The following TSPAN18 variants were observed in gnomAD, a reference collection of about 807,000 sequenced individuals.
TSPAN18 encodes tetraspanin 18.
Under a neutral mutation model 27.3 loss-of-function variants are expected in TSPAN18, and 14 were observed. The observed-to-expected ratio is 0.51, with a 90% CI of 0.34 to 0.80. The LOEUF (loss-of-function observed/expected upper bound fraction) is 0.80, where lower values mean the gene tolerates loss of function less well. Among genes scored for constraint, TSPAN18 ranks in the 30% least tolerant of loss-of-function variants. The pLI, the probability that TSPAN18 is intolerant of heterozygous loss-of-function variation, is 0.01. For synonymous variants in TSPAN18, 143 were observed against 136.5 expected, an observed-to-expected ratio of 1.05 and a Z score of -0.33; for missense variants, 268 against 323.9, an observed-to-expected ratio of 0.83 and a Z score of 1.32.
At position 44,734,883 on chromosome 11, in the gene TSPAN18, TC is replaced by T; in HGVS notation, c.-240+7601del. ...CCACCTGCTGCCTGACATTTAGGGCTCCCCCAGCAGGGCAGGCCCAGGGAAC... is the reference window on the plus strand; with the variant it reads ...CCACCTGCTGCCTGACATTTAGGGCTCCCCAGCAGGGCAGGCCCAGGGAAC... On this transcript the variant is annotated intron_variant, in intron 1 of 9. Transcript: ENST00000520358. 2.0e-5 allele frequency among the ~76,000 whole-genome samples: 3 copies of T among 152,200 alleles called. No homozygotes were observed. The South Asian group carries it at 6.2e-4, about 32-fold the overall frequency.
At chr11:44,824,595 G>A (rs1201105410) in intron 2 of TSPAN18, among the ~76,000 whole-genome samples, 1 of 152,232 alleles carries the variant, frequency 6.6e-6, no homozygotes, top group African/African-American at 2.4e-5. Flanking sequence ...AAGCCAGACA[G>A]GACAATGGGA....
chr11:44,909,432 C>G (rs1859624656), intron 4 of TSPAN18: 3 of 444,502 alleles, frequency 6.7e-6, no homozygotes, highest in Non-Finnish European at 1.2e-5. Flanking sequence ...TGGCAAATAG[C>G]CTTTATGTGA....
intron 3 of TSPAN18, among the ~76,000 whole-genome samples, chr11:44,862,503 T>C (rs1264348450): frequency 6.6e-6 from 1 of 152,172 alleles, no homozygotes; most frequent in Non-Finnish European, 1.5e-5. Flanking sequence ...TATGGTGAGC[T>C]CAGCACCTCT....
At chr11:44,872,291 A>G (rs1858217118) in intron 3 of TSPAN18, among the ~76,000 whole-genome samples, 1 of 152,114 alleles carries the variant, frequency 6.6e-6, no homozygotes, top group Non-Finnish European at 1.5e-5. Context: ...TTATGATCTG[A>G]CTGAACTTCA....
At chr11:44,777,973 T>C (rs1245837501) in intron 2 of TSPAN18, among the ~76,000 whole-genome samples, 7 of 152,056 alleles carry the variant, frequency 4.6e-5, no homozygotes, top group African/African-American at 1.4e-4. Flanking sequence ...TTAAAGGATT[T>C]TTCCCCCCAA....
chr11:44,810,658 G>A (rs992626967), intron 2 of TSPAN18, among the ~76,000 whole-genome samples: 1 of 145,330 alleles, frequency 6.9e-6, no homozygotes, highest in Non-Finnish European at 1.5e-5. Context: ...CTGGAGTGCT[G>A]TGACTCGATC....
chr11:44,854,140 A>T (rs1355086774), intron 2 of TSPAN18, among the ~76,000 whole-genome samples: 2 of 133,922 alleles, frequency 1.5e-5, no homozygotes, highest in Non-Finnish European at 3.1e-5. Flanking sequence ...ATTTATACAC[A>T]TACACACATG....
At chr11:44,750,017 C>T (rs1465904718) in intron 1 of TSPAN18, among the ~76,000 whole-genome samples, 1 of 152,040 alleles carries the variant, frequency 6.6e-6, no homozygotes, top group East Asian at 1.9e-4. Flanking sequence ...CCACCCTCCC[C>T]AACTCACCTC....
At chr11:44,868,836 G>T (rs1858111003) in intron 3 of TSPAN18, among the ~76,000 whole-genome samples, 1 of 152,248 alleles carries the variant, frequency 6.6e-6, no homozygotes, top group Admixed American at 6.5e-5. Flanking sequence ...GCCAGATGGG[G>T]ACTCTATGTG....
chr11:44,858,720 T>A (rs1857800941), intron 2 of TSPAN18, among the ~76,000 whole-genome samples: 1 of 151,978 alleles, frequency 6.6e-6, no homozygotes, highest in Non-Finnish European at 1.5e-5. Context: ...TGAGCTTGTG[T>A]GTGATGGTGG....
chr11:44,906,574 C>A, intron 4 of TSPAN18, 95 bp downstream of exon 4: 1 of 1,265,658 alleles, frequency 7.9e-7, no homozygotes, highest in Non-Finnish European at 1.1e-6. Context: ...CTGGGGCGAG[C>A]ACAGGGGCCG....
At chr11:44,838,787 A>G (rs1310333513) in intron 2 of TSPAN18, among the ~76,000 whole-genome samples, 1 of 152,222 alleles carries the variant, frequency 6.6e-6, no homozygotes, top group African/African-American at 2.4e-5. Context: ...GACACTGTGT[A>G]CCATTTAAAA....
intron 1 of TSPAN18, among the ~76,000 whole-genome samples, chr11:44,731,643 A>T (rs953177052): frequency 8.0e-5 from 12 of 149,782 alleles, no homozygotes; most frequent in Non-Finnish European, 1.5e-4. Context: ...TGAGAGAGAG[A>T]GAGAGAGAGA....
At chr11:44,734,394 C>G (rs1376913751) in intron 1 of TSPAN18, among the ~76,000 whole-genome samples, 3 of 152,254 alleles carry the variant, frequency 2.0e-5, no homozygotes, top group Non-Finnish European at 4.4e-5. Context: ...GTTCATCTCT[C>G]TTAGCCTGTC....
intron 2 of TSPAN18, among the ~76,000 whole-genome samples, chr11:44,828,506 T>A (rs1043909169): frequency 6.6e-6 from 1 of 152,138 alleles, no homozygotes; most frequent in Admixed American, 6.5e-5. Context: ...CACAAGGCCA[T>A]AAGCACTGCG....
chr11:44,904,062 A>C (rs1362003802), intron 3 of TSPAN18, among the ~76,000 whole-genome samples: 3 of 152,190 alleles, frequency 2.0e-5, no homozygotes, highest in Admixed American at 6.5e-5. Context: ...CATTACCCCA[A>C]CACAATTTAA....
chr11:44,766,594 T>C (rs1016017951), intron 2 of TSPAN18, among the ~76,000 whole-genome samples: 1 of 152,212 alleles, frequency 6.6e-6, no homozygotes, highest in Admixed American at 6.5e-5. Flanking sequence ...AAAAAATCTC[T>C]TTAAGTGCAG....
chr11:44,784,239 A>G (rs904374607), intron 2 of TSPAN18, among the ~76,000 whole-genome samples: 1 of 152,128 alleles, frequency 6.6e-6, no homozygotes, highest in Non-Finnish European at 1.5e-5. Flanking sequence ...TAGGGAATGG[A>G]GAGGGACCGA....
At chr11:44,886,058 A>C (rs1041685987) in intron 3 of TSPAN18, 2 of 152,206 alleles carry the variant, frequency 1.3e-5, no homozygotes, top group African/African-American at 4.8e-5. Context: ...ATGCTGTGAG[A>C]AGGAAGGGAG....
Sources: gnomAD v4.1 joint callset for allele counts (sites outside exome capture counted in the v4.1 genomes callset) on GRCh38, gnomAD v4.1.1 for gene constraint, MANE v1.5 for transcripts, NCBI Gene and HGNC (gene_info 2026-07-23, HGNC 2026-07-21) for gene names.